FBXO34: variants seen among roughly 807,000 people sequenced by gnomAD.
FBXO34 encodes F-box only protein 34.
In FBXO34, 12 loss-of-function variants were observed where a neutral mutation model predicts 24.5. The ratio of observed to expected loss-of-function variants is 0.49; its 90% CI spans 0.31 to 0.79. FBXO34 has a LOEUF of 0.79. Ranked by LOEUF, FBXO34 falls within the 30% of genes least tolerant of loss-of-function variation. The pLI is 0.04. For synonymous variants in FBXO34, 320 were observed against 311.9 expected (o/e 1.03, Z -0.27); for missense variants, 823 against 857.7 (o/e 0.96, Z 0.51).
the FBXO34 span, among the ~76,000 whole-genome samples, chr14:55,409,787 T>A: frequency 6.6e-6 from 1 of 152,176 alleles, no homozygotes; most frequent in Non-Finnish European, 1.5e-5. Context: ...AGCTTTTACT[T>A]TGGGTAAAGT....
chr14:55,388,696 C>T, the FBXO34 span, among the ~76,000 whole-genome samples: 4 of 152,176 alleles, frequency 2.6e-5, no homozygotes, highest in Non-Finnish European at 5.9e-5. Flanking sequence ...TCAACAACAA[C>T]AAGCTCTTAA....
chr14:55,296,417 A>T (rs1379316413), intron 1 of FBXO34, among the ~76,000 whole-genome samples: 7 of 38,174 alleles, frequency 1.8e-4, no homozygotes, highest in Admixed American at 3.4e-4. Flanking sequence ...TTTTTTTTTG[A>T]GACAGTCTCG....
At position 55,351,455 on chromosome 14, in the gene FBXO34, T is replaced by C. The variant is rs766404935; in HGVS notation, c.1065T>C (p.Ala355=). 1 of 1,614,200 alleles carries C rather than the reference T, an allele frequency of 6.2e-7. No individual in the cohort carries two copies. Among genetic ancestry groups the C allele is most frequent in the East Asian group, 2.2e-5 (1 of 44,882 alleles). ...SVSVDCGPSR[A]DRCSPKEDQA... ...CTGTGGATTGTGGCCCTTCAAGAGC[T>C]GATCGTTGTTCTCCTAAGGAGGACC... Residue 355 remains alanine, a synonymous_variant, in exon 2 of 2, where the codon GCT becomes GCC. Transcript: ENST00000313833.
chr14:55,283,104 A>G (rs141249803), intron 1 of FBXO34, among the ~76,000 whole-genome samples: 5 of 152,314 alleles, frequency 3.3e-5, no homozygotes, highest in South Asian at 2.1e-4. Context: ...GAAGAGCTCT[A>G]CCATCGTCAC....
chr14:55,380,701 A>C, the FBXO34 span: 2 of 1,561,130 alleles, frequency 1.3e-6, no homozygotes, highest in South Asian at 2.4e-5. Flanking sequence ...CTGCAGTAAG[A>C]AAACAACCAC....
chr14:55,313,471 C>T (rs116451259), intron 1 of FBXO34, among the ~76,000 whole-genome samples: 2,170 of 152,222 alleles, frequency 0.014, 59 homozygotes, highest in African/African-American at 0.049. Context: ...TCCACATTGT[C>T]GGGTATTTTT....
rs77700122 is a variant in FBXO34, at chr14:55,280,316, C to A, written c.-11+8779C>A. Among the ~76,000 whole-genome samples the A allele has an allele frequency of 3.1e-4, 47 of 152,140 alleles. No homozygotes were observed. The East Asian group carries it at 9.1e-3, about 29-fold the overall frequency. Reference sequence around the variant, plus strand: ...GTGGGTTTATCATCCATGGATCCAACCAACCTCAGATGGAAAATACCTGAG... The same window carrying A: ...GTGGGTTTATCATCCATGGATCCAAACAACCTCAGATGGAAAATACCTGAG... On this transcript the variant is annotated intron_variant, in intron 1 of 1. Coordinates refer to ENST00000313833, the MANE Select transcript of FBXO34 (RefSeq NM_017943.4).
the FBXO34 span, among the ~76,000 whole-genome samples, chr14:55,410,920 G>GCTTT: frequency 6.6e-6 from 1 of 151,974 alleles, no homozygotes; most frequent in East Asian, 1.9e-4. Flanking sequence ...AGAACTTGTA[G>GCTTT]CTGTTTAGAT....
At chr14:55,370,847 G>A (rs1013065234), downstream of FBXO34, among the ~76,000 whole-genome samples, 1 of 152,054 alleles carries the variant, frequency 6.6e-6, no homozygotes, top group East Asian at 1.9e-4. Context: ...CACCACGTTG[G>A]CCAGGCTGGT....
At chr14:55,370,710 T>G (rs991134676), downstream of FBXO34, among the ~76,000 whole-genome samples, 2 of 152,024 alleles carry the variant, frequency 1.3e-5, no homozygotes, top group Non-Finnish European at 2.9e-5. Flanking sequence ...GGCGCCATCT[T>G]GGCTCCTGCA....
intron 1 of FBXO34, among the ~76,000 whole-genome samples, chr14:55,286,720 A>G (rs1448476698): frequency 1.3e-5 from 2 of 151,998 alleles, no homozygotes; most frequent in Non-Finnish European, 2.9e-5. Flanking sequence ...TAACCCTACA[A>G]CCCTGTTCAA....
At chr14:55,380,875 A>ATTTT in the FBXO34 span, among the ~76,000 whole-genome samples, 2 of 112,724 alleles carry the variant, frequency 1.8e-5, no homozygotes, top group Non-Finnish European at 3.5e-5. Context: ...ATATATATAT[A>ATTTT]TTTTTTTTTT....
chr14:55,311,848 C>T (rs1388274721), intron 1 of FBXO34, among the ~76,000 whole-genome samples: 3 of 151,946 alleles, frequency 2.0e-5, no homozygotes, highest in African/African-American at 7.3e-5. Flanking sequence ...CTGCCTTAGC[C>T]TCCCAAGTAG....
intron 1 of FBXO34, among the ~76,000 whole-genome samples, chr14:55,278,433 G>C (rs192813446): frequency 8.6e-4 from 131 of 151,984 alleles, no homozygotes; most frequent in Admixed American, 1.6e-3. Flanking sequence ...AAATTCACTG[G>C]CTCACAATAT....
the FBXO34 span, among the ~76,000 whole-genome samples, chr14:55,424,480 A>C: frequency 4.6e-5 from 7 of 152,330 alleles, no homozygotes; most frequent in Admixed American, 4.6e-4. Flanking sequence ...AGTGCAAGCT[A>C]TCCTGGATGG....
At chr14:55,380,873 ATATT>A in the FBXO34 span, among the ~76,000 whole-genome samples, 1 of 90,896 alleles carries the variant, frequency 1.1e-5, no homozygotes, top group African/African-American at 6.6e-5. Context: ...ATATATATAT[ATATT>A]TTTTTTTTTT....
In FBXO34 at chr14:55,349,543, A is replaced by G. The variant is rs117015895; in HGVS notation, c.-10-838A>G. Among the ~76,000 whole-genome samples, 50 of 152,254 alleles carry G rather than the reference A, an allele frequency of 3.3e-4. No individual in the cohort carries two copies. The East Asian group carries it at 9.4e-3, about 29-fold the overall frequency. Reference sequence around the variant, plus strand: ...CAAAGTACACAGGAAGCAAATGAAAAATTGTAAACATCTAAATATTCAGTA... The same window carrying G: ...CAAAGTACACAGGAAGCAAATGAAAGATTGTAAACATCTAAATATTCAGTA... On this transcript the variant is annotated intron_variant, in intron 1 of 1. Coordinates refer to ENST00000313833, the MANE Select transcript of FBXO34 (RefSeq NM_017943.4).
At chr14:55,375,490 ATTTTTTTTTT>A in the FBXO34 span, among the ~76,000 whole-genome samples, 1,863 of 117,840 alleles carry the variant, frequency 0.016, 56 homozygotes, top group African/African-American at 0.06. Context: ...GCCGGGCTAA[ATTTTTTTTTT>A]TTTTTTTTTT....
chr14:55,433,759 G>A, the FBXO34 span: 2 of 1,586,846 alleles, frequency 1.3e-6, no homozygotes, highest in Admixed American at 3.5e-5. Context: ...GCCTCTGCTA[G>A]GAGTTAACAT....
Sources: allele counts gnomAD v4.1 joint callset (sites outside exome capture counted in the v4.1 genomes callset), GRCh38; gene constraint gnomAD v4.1.1; transcripts MANE v1.5; gene names NCBI Gene and HGNC (gene_info 2026-07-23, HGNC 2026-07-21).